Variants in APOOL observed in about 807,000 individuals in gnomAD.
APOOL encodes the protein MICOS complex subunit MIC27.
In APOOL, 12 loss-of-function variants were observed where a neutral mutation model predicts 23.1. The ratio of observed to expected loss-of-function variants is 0.52; its 90% confidence interval spans 0.33 to 0.84. The LOEUF is 0.84. Among genes scored for constraint, APOOL ranks in the 40% least tolerant of loss-of-function variants. The pLI is 0.02. For missense variants in APOOL, 212 were observed against 199.6 expected, an observed-to-expected ratio of 1.06 and a Z score of -0.37; for synonymous variants, 77 against 69.9, an observed-to-expected ratio of 1.10 and a Z score of -0.51.
At chrX:85,014,055 T>A (rs984230365) in intron 1 of APOOL, among the ~76,000 whole-genome samples, 1 of 111,860 alleles carries the variant, frequency 8.9e-6, no homozygotes, top group Non-Finnish European at 1.9e-5. Flanking sequence ...GTTGGGGTAG[T>A]CCTCTTATCA....
At chrX:85,062,823 T>G (rs1244403215) in intron 5 of APOOL, among the ~76,000 whole-genome samples, 2 of 111,724 alleles carry the variant, frequency 1.8e-5, no homozygotes, top group Non-Finnish European at 3.8e-5. Context: ...TCTTTTTTGC[T>G]TAGGGTTGTC....
chrX:85,082,392 G>T (rs1431576892), intron 8 of APOOL, among the ~76,000 whole-genome samples: 1 of 110,862 alleles, frequency 9.0e-6, no homozygotes, highest in East Asian at 2.9e-4. Context: ...GTCCACTCCA[G>T]ACCGTGTTTG....
intron 1 of APOOL, among the ~76,000 whole-genome samples, chrX:85,009,679 A>G (rs1921211099): frequency 1.8e-5 from 2 of 109,524 alleles, no homozygotes; most frequent in South Asian, 4.0e-4. Flanking sequence ...GTACATGTGA[A>G]GATTTGTTAC....
intron 5 of APOOL, among the ~76,000 whole-genome samples, chrX:85,064,277 G>A (rs979532462): frequency 3.8e-5 from 4 of 105,821 alleles, no homozygotes; most frequent in Non-Finnish European, 5.8e-5. Flanking sequence ...TTCTTTATTA[G>A]TGTAGCTAGC....
In APOOL at chrX:85,074,336, GC is replaced by G. The variant is rs1176664186; in HGVS notation, c.666del (p.Leu223CysfsTer39). On this transcript the variant is annotated frameshift_variant, in exon 8 of 9. Coordinates refer to ENST00000373173, the MANE Select transcript of APOOL (RefSeq NM_198450.6). LOFTEE classifies it high-confidence loss of function. Reference sequence around the variant, plus strand: ...CAACTCACGTCTTGAAACACTCAGTGCCCTTGCCAACAGAACTCAGCTCTGA... The same window carrying G: ...CAACTCACGTCTTGAAACACTCAGTGCCTTGCCAACAGAACTCAGCTCTGA... ...KTTHVLKHSV[P>X]LPTELSSEAK... 1 of 1,209,358 alleles carries G rather than the reference GC, an allele frequency of 8.3e-7. No homozygotes were observed. Among genetic ancestry groups the G allele is most frequent in the Non-Finnish European group, 1.1e-6 (1 of 894,566 alleles).
intron 1 of APOOL, among the ~76,000 whole-genome samples, chrX:85,014,841 GCTT>G (rs1353513545): frequency 9.1e-6 from 1 of 109,537 alleles, no homozygotes; most frequent in Non-Finnish European, 1.9e-5. Flanking sequence ...AGTTCTTTGA[GCTT>G]CTTTTAGTTG....
chrX:85,071,660 A>G (rs1279263137), intron 6 of APOOL, among the ~76,000 whole-genome samples: 1 of 112,097 alleles, frequency 8.9e-6, no homozygotes, highest in Admixed American at 9.5e-5. Context: ...GCCATTAAAG[A>G]AAAAGTTGAC....
chrX:85,032,897 A>G (rs1922091847), intron 1 of APOOL, among the ~76,000 whole-genome samples: 1 of 111,903 alleles, frequency 8.9e-6, no homozygotes, highest in African/African-American at 3.2e-5. Flanking sequence ...ACTCCCACCT[A>G]TGTTAAACCC....
At position 85,092,068 on chromosome X, in the gene APOOL, C is replaced by T. The variant is rs903556605; in HGVS notation, c.*4390C>T. The T allele has an allele frequency of 4.2e-5, 7 of 167,728 alleles. No individual in the cohort carries two copies. Among genetic ancestry groups the T allele is most frequent in the South Asian group, 2.9e-4 (1 of 3,465 alleles). The allele number at this position is 167,728 out of a possible 1,213,427, so 13.8% of individuals were successfully genotyped here. On this transcript the variant is annotated 3_prime_UTR_variant, in exon 9 of 9. Transcript: ENST00000373173. ...TGCCAGTTGATCATTACATTTATCC[C>T]GACATCAGATATGTCAAATTGTGAA...
intron 5 of APOOL, among the ~76,000 whole-genome samples, chrX:85,059,556 T>G (rs1284655306): frequency 9.1e-6 from 1 of 109,481 alleles, no homozygotes; most frequent in Non-Finnish European, 1.9e-5. Context: ...CCTGACTTTT[T>G]AATGATTGCC....
intron 6 of APOOL, among the ~76,000 whole-genome samples, chrX:85,068,035 G>A (rs1175040206): frequency 9.0e-6 from 1 of 111,393 alleles, no homozygotes; most frequent in African/African-American, 3.3e-5. Context: ...CGAGGATATG[G>A]TGTACTATGT....
chrX:85,025,506 A>T (rs1049419931), intron 1 of APOOL, among the ~76,000 whole-genome samples: 1 of 112,167 alleles, frequency 8.9e-6, no homozygotes, highest in African/African-American at 3.2e-5. Flanking sequence ...GTCTTATCTG[A>T]GACAAGGCAA....
intron 8 of APOOL, among the ~76,000 whole-genome samples, chrX:85,078,645 G>A (rs756628580): frequency 9.0e-4 from 100 of 111,294 alleles, no homozygotes; most frequent in Non-Finnish European, 1.7e-3. Flanking sequence ...TTGGTAGCTT[G>A]ATGGGGATGG....
intron 3 of APOOL, among the ~76,000 whole-genome samples, chrX:85,051,958 C>T (rs1452237744): frequency 2.7e-5 from 3 of 111,913 alleles, no homozygotes; most frequent in Non-Finnish European, 3.8e-5. Flanking sequence ...AGGCTTTTTG[C>T]CTATCATCAG....
At chrX:85,027,829 A>G (rs1921894720) in intron 1 of APOOL, among the ~76,000 whole-genome samples, 1 of 111,927 alleles carries the variant, frequency 8.9e-6, no homozygotes, top group Admixed American at 9.5e-5. Flanking sequence ...GAATTTGCTA[A>G]TTTTTACTAG....
chrX:85,062,879 G>GT (rs1317164679), intron 5 of APOOL, among the ~76,000 whole-genome samples: 1 of 110,706 alleles, frequency 9.0e-6, no homozygotes, highest in Admixed American at 9.6e-5. Context: ...TTTTAAAATA[G>GT]TTTTTTCTAA....
At chrX:85,032,839 G>A (rs1922087448) in intron 1 of APOOL, among the ~76,000 whole-genome samples, 1 of 111,861 alleles carries the variant, frequency 8.9e-6, no homozygotes, top group Non-Finnish European at 1.9e-5. Context: ...TCTTTTAAGT[G>A]CTAGAGCTCT....
chrX:85,068,397 T>A (rs1227389933), intron 6 of APOOL, among the ~76,000 whole-genome samples: 1 of 96,594 alleles, frequency 1.0e-5, no homozygotes, highest in African/African-American at 4.0e-5. Context: ...ATTCTTCTTC[T>A]TTTTTTTTTT....
At chrX:85,058,935 G>C (rs1923078230) in intron 5 of APOOL, among the ~76,000 whole-genome samples, 1 of 109,345 alleles carries the variant, frequency 9.1e-6, no homozygotes, top group Non-Finnish European at 1.9e-5. Flanking sequence ...GTGCAGGTTT[G>C]TTACATATGT....
Sources: gnomAD v4.1 joint callset for allele counts (sites outside exome capture counted in the v4.1 genomes callset) on GRCh38, gnomAD v4.1.1 for gene constraint, MANE v1.5 for transcripts, NCBI Gene and HGNC (gene_info 2026-07-23, HGNC 2026-07-21) for gene names.